Variants in LIFR observed in about 807,000 individuals in gnomAD.
The protein encoded by LIFR is leukemia inhibitory factor receptor.
A neutral mutation model predicts 122.2 loss-of-function variants in LIFR; 84 were observed. The ratio of observed to expected loss-of-function variants is 0.69; its 90% CI spans 0.58 to 0.82. The LOEUF (loss-of-function observed/expected upper bound fraction) is 0.82. Ranked by LOEUF, LIFR falls within the 40% of genes least tolerant of loss-of-function variation. LIFR has a pLI of 0.00. For missense variants in LIFR, 1,294 were observed against 1,311.6 expected, an observed-to-expected ratio of 0.99 and a Z score of 0.21; for synonymous variants, 422 against 434.7, an observed-to-expected ratio of 0.97 and a Z score of 0.36.
chr5:38,602,716 A>G lies in LIFR; in HGVS notation n.305+3489T>C, dbSNP rs1290039576. Among the ~76,000 whole-genome samples, 5 of 152,160 alleles carry G rather than the reference A, an allele frequency of 3.3e-5. No individual in the cohort carries two copies. In the East Asian group the frequency reaches 9.6e-4, roughly 29 times the overall value. On this transcript the variant is annotated intron_variant and non_coding_transcript_variant, in intron 2 of 3. Coordinates refer to the LIFR transcript ENST00000507786. ...TCCTTGGATTGCTAGTCTTATTGTT[A>G]CAGGTAGTTAGACAGGCAAGAGTGG...
upstream of LIFR, chr5:38,558,137 A>G (rs1748681583): frequency 6.6e-6 from 1 of 152,054 alleles, no homozygotes; most frequent in Non-Finnish European, 1.5e-5. Context: ...GTATTTTAAT[A>G]TATATTAATA....
intron 1 of LIFR, among the ~76,000 whole-genome samples, chr5:38,534,756 A>T (rs540282171): frequency 6.6e-6 from 1 of 152,292 alleles, no homozygotes; most frequent in East Asian, 1.9e-4. Flanking sequence ...TTGCGGTGTG[A>T]GTGTGGACAA....
chr5:38,547,876 G>A (rs906209049), intron 1 of LIFR, among the ~76,000 whole-genome samples: 2 of 152,074 alleles, frequency 1.3e-5, no homozygotes, highest in Admixed American at 1.3e-4. Context: ...CACCGTTACT[G>A]TACTGAATAC....
intron 9 of LIFR, among the ~76,000 whole-genome samples, chr5:38,505,401 TACACACACACACACACACACACACAC>T (rs58882043): frequency 9.3e-5 from 13 of 139,470 alleles, no homozygotes; most frequent in African/African-American, 2.7e-4. Flanking sequence ...TGCATAGAAC[TACACACACACACACACACACACACAC>T]ACACACACAC....
In LIFR at chr5:38,479,346, T is replaced by G. The variant is rs1373359704; in HGVS notation, c.*2249A>C. The G allele has an allele frequency of 1.7e-5, 4 of 230,174 alleles. No individual in the cohort carries two copies. Among genetic ancestry groups the G allele is most frequent in the Non-Finnish European group, 2.6e-5 (3 of 116,578 alleles). The allele number at this position is 230,174 out of a possible 1,614,324, so 14.3% of individuals were successfully genotyped here. A position where few individuals can be genotyped will look rare whatever the true frequency, so the allele number is the denominator to read the frequency against. On this transcript the variant is annotated 3_prime_UTR_variant, in exon 20 of 20. Coordinates refer to ENST00000453190, the MANE Select transcript of LIFR (RefSeq NM_001127671.2). ...AGGGGATCCAAAAGTAGGGGAAAGG[T>G]GAGTGATATTCTGCACTTTTTTCAT...
intron 17 of LIFR, chr5:38,485,453 T>C: frequency 3.2e-6 from 1 of 311,802 alleles, no homozygotes; most frequent in Non-Finnish European, 6.1e-6. Flanking sequence ...TTACAAAAAA[T>C]TTTTTTAAGA....
At chr5:38,565,078 C>T (rs536091182) in intron 1 of LIFR, among the ~76,000 whole-genome samples, 1 of 152,208 alleles carries the variant, frequency 6.6e-6, no homozygotes, top group East Asian at 1.9e-4. Context: ...TTATTTTGCA[C>T]AGCAGTTTAG....
At chr5:38,492,811 G>C (rs1030461568) in intron 14 of LIFR, among the ~76,000 whole-genome samples, 5 of 152,144 alleles carry the variant, frequency 3.3e-5, no homozygotes, top group African/African-American at 9.7e-5. Context: ...CATCACTACT[G>C]ACAAGCTACA....
chr5:38,560,118 T>C (rs2112689369), upstream of LIFR, among the ~76,000 whole-genome samples: 1 of 152,236 alleles, frequency 6.6e-6, no homozygotes, highest in Non-Finnish European at 1.5e-5. Flanking sequence ...ATATATAGTG[T>C]TTATCAGTCA....
At chr5:38,556,813 G>A (rs917493010), upstream of LIFR, 1 of 150,232 alleles carries the variant, frequency 6.7e-6, no homozygotes, top group Non-Finnish European at 1.5e-5. Context: ...GGAGTCGGAG[G>A]AACGCGGCCG....
chr5:38,576,930 A>C (rs1749406027), intron 1 of LIFR, among the ~76,000 whole-genome samples: 1 of 152,226 alleles, frequency 6.6e-6, no homozygotes, highest in Non-Finnish European at 1.5e-5. Context: ...ACAATCCTAA[A>C]GTGCTCACAT....
At chr5:38,550,225 T>A in intron 1 of LIFR, 1 of 965,440 alleles carries the variant, frequency 1.0e-6, no homozygotes. Flanking sequence ...TTGATTAGAT[T>A]TGGTTTTAAA....
chr5:38,476,534 T>A lies in LIFR; in HGVS notation c.*5061A>T, dbSNP rs959797125. ...TCTATGTTGTTAGCTTTTTTTTTTTTAAAGTTCTGATTGGCTACTGTAAAG... is the reference window on the plus strand; with the variant it reads ...TCTATGTTGTTAGCTTTTTTTTTTTAAAAGTTCTGATTGGCTACTGTAAAG... On this transcript the variant is annotated 3_prime_UTR_variant, in exon 20 of 20. Coordinates refer to ENST00000453190, the MANE Select transcript of LIFR (RefSeq NM_001127671.2). 1.2e-4 allele frequency: 24 copies of A among 205,750 alleles called. No individual in the cohort carries two copies. The highest frequency in any genetic ancestry group is 1.6e-3 in the Middle Eastern group (1 of 624). 12.7% of individuals were successfully genotyped at this position (205,750 alleles called of 1,614,324 possible).
chr5:38,600,209 G>T (rs559751265), upstream of LIFR, among the ~76,000 whole-genome samples: 1 of 152,230 alleles, frequency 6.6e-6, no homozygotes, highest in African/African-American at 2.4e-5. Context: ...CTGAACCAGT[G>T]TACATCTTAC....
At chr5:38,554,111 G>T (rs2112664602) in intron 1 of LIFR, among the ~76,000 whole-genome samples, 1 of 152,210 alleles carries the variant, frequency 6.6e-6, no homozygotes, top group Admixed American at 6.5e-5. Flanking sequence ...GCCTCTCTAC[G>T]TTCAAAAATA....
chr5:38,537,064 C>T (rs1322930514), intron 1 of LIFR, among the ~76,000 whole-genome samples: 1 of 152,114 alleles, frequency 6.6e-6, no homozygotes, highest in Admixed American at 6.5e-5. Context: ...TAGTAATCTC[C>T]ATTGCAGTGT....
chr5:38,584,871 C>T (rs1215057235), intron 1 of LIFR, among the ~76,000 whole-genome samples: 1 of 152,162 alleles, frequency 6.6e-6, no homozygotes, highest in Admixed American at 6.6e-5. Context: ...TTGTCACACA[C>T]ACACACAAAA....
In LIFR at chr5:38,481,464, C is replaced by T. The variant is rs1191632996; in HGVS notation, c.*131G>A. ...AAGCACATGAACACTTTCAGTGTAA[C>T]TTAACATGTAGTGAAGTTCACCTCC... is the stretch of plus-strand genomic sequence containing the variant. On this transcript the variant is annotated 3_prime_UTR_variant, in exon 20 of 20. Transcript: ENST00000453190. 7 of 1,014,130 alleles carry T rather than the reference C, an allele frequency of 6.9e-6. No individual in the cohort carries two copies. The highest frequency in any genetic ancestry group is 2.6e-5 in the South Asian group (2 of 76,012). 62.8% of individuals were successfully genotyped at this position (1,014,130 alleles called of 1,614,324 possible).
At chr5:38,493,450 T>C (rs1157017605) in intron 14 of LIFR, among the ~76,000 whole-genome samples, 156 bp downstream of exon 14, 1 of 152,194 alleles carries the variant, frequency 6.6e-6, no homozygotes, top group Non-Finnish European at 1.5e-5. Context: ...AGGGTTTGGA[T>C]CCTTCCATGT....
Sources: allele counts gnomAD v4.1 joint callset (sites outside exome capture counted in the v4.1 genomes callset), GRCh38; gene constraint gnomAD v4.1.1; transcripts MANE v1.5; gene names NCBI Gene and HGNC (gene_info 2026-07-23, HGNC 2026-07-21).